GRIP1: variants seen among roughly 807,000 people sequenced by gnomAD.
GRIP1 encodes glutamate receptor-interacting protein 1.
A neutral mutation model predicts 129.9 loss-of-function variants in GRIP1; 45 were observed. That is an observed-to-expected ratio of 0.35 (90% CI 0.27 to 0.44). The LOEUF (loss-of-function observed/expected upper bound fraction) is 0.44, where lower values mean the gene tolerates loss of function less well. Among genes scored for constraint, GRIP1 ranks in the 20% least tolerant of loss-of-function variants. The pLI is 1.00. For missense variants in GRIP1, 1,196 were observed against 1,396.8 expected, an observed-to-expected ratio of 0.86 and a Z score of 2.29; for synonymous variants, 530 against 520.8, an observed-to-expected ratio of 1.02 and a Z score of -0.24.
At chr12:66,372,876 G>C (rs987122278) in intron 22 of GRIP1, among the ~76,000 whole-genome samples, 1 of 152,122 alleles carries the variant, frequency 6.6e-6, no homozygotes, top group African/African-American at 2.4e-5. Context: ...GGGTATAATA[G>C]TATAAAGGTA....
rs147117423 is a variant in GRIP1 at position 67,023,888 on chromosome 12, T to C, written c.58+45162A>G. ...CCAAAGCTAGTTCCCTCTTTTATAT[T>C]TTCTCTTCTTTTTCTTTGCTTTTCT... On this transcript the variant is annotated intron_variant, in intron 1 of 1. Coordinates refer to the GRIP1 transcript ENST00000643019. 1.1e-3 allele frequency among the ~76,000 whole-genome samples: 167 copies of C among 152,216 alleles called. 2 individuals are homozygous for C. Among genetic ancestry groups the C allele is most frequent in the Middle Eastern group, 6.8e-3 (2 of 294 alleles).
intron 1 of GRIP1, among the ~76,000 whole-genome samples, chr12:66,648,984 A>G (rs1422944890): frequency 6.6e-6 from 1 of 152,216 alleles, no homozygotes; most frequent in African/African-American, 2.4e-5. Context: ...TGTACGTGGG[A>G]AAGTGCAAAT....
chr12:66,948,735 G>A lies in GRIP1; in HGVS notation c.58+120315C>T, dbSNP rs191295386. On this transcript the variant is annotated intron_variant, in intron 1 of 1. Transcript: ENST00000643019. ...GAACTGGGTTCCAAAGGATACATAG[G>A]TAAATGGAAGAAGAGAAAGAAAAAG... 1.3e-3 allele frequency among the ~76,000 whole-genome samples: 201 copies of A among 152,298 alleles called. 1 individual carries two copies. The highest frequency in any genetic ancestry group is 2.5e-3 in the Non-Finnish European group (167 of 68,016).
At chr12:66,565,347 G>A (rs532276165) in intron 2 of GRIP1, among the ~76,000 whole-genome samples, 3 of 152,164 alleles carry the variant, frequency 2.0e-5, no homozygotes, top group African/African-American at 7.2e-5. Flanking sequence ...TATATGGCTA[G>A]CCAGTTCTCC....
rs542225905 is a variant in GRIP1, at chr12:66,833,018, C to A, written c.58+236032G>T. On this transcript the variant is annotated intron_variant, in intron 1 of 1. Transcript: ENST00000643019. ...GGTGGCTCTTTGGCTTACAGAGACT[C>A]AGTGATGGAACCTACCAACTTAGGG... 7.2e-5 allele frequency among the ~76,000 whole-genome samples: 11 copies of A among 152,240 alleles called. No homozygotes were observed. The South Asian group carries it at 2.3e-3, about 32-fold the overall frequency.
chr12:66,671,223 A>G (rs896676352), intron 1 of GRIP1, among the ~76,000 whole-genome samples: 3 of 152,168 alleles, frequency 2.0e-5, no homozygotes, highest in African/African-American at 7.2e-5. Context: ...ATTTACTAAG[A>G]AAGTCAAGTT....
At chr12:67,006,695 G>C (rs78174427) in intron 1 of GRIP1, among the ~76,000 whole-genome samples, 9,571 of 152,314 alleles carry the variant, frequency 0.063, 375 homozygotes, top group East Asian at 0.15. Flanking sequence ...AAGGACAGAA[G>C]GGAGCAGGCT....
chr12:66,526,309 T>C (rs1262082416), intron 5 of GRIP1, among the ~76,000 whole-genome samples: 1 of 152,088 alleles, frequency 6.6e-6, no homozygotes, highest in Admixed American at 6.6e-5. Context: ...CAAAACAGCA[T>C]GGTACTGGTA....
rs191001361 is a variant in GRIP1 at position 66,474,808 on chromosome 12, T to C, written c.725-9386A>G. Among the ~76,000 whole-genome samples the C allele has an allele frequency of 8.6e-3, 1,315 of 152,254 alleles. 15 individuals are homozygous for C. The highest frequency in any genetic ancestry group is 0.029 in the African/African-American group (1,191 of 41,550). On this transcript the variant is annotated intron_variant, in intron 7 of 24. Transcript: ENST00000359742. ...GACTTTGTCACCACCAGGCCTGCCC[T>C]ACAAGAGCTCCTGAAGGAATCACTA...
At chr12:66,931,517 T>C (rs1371793090) in intron 1 of GRIP1, among the ~76,000 whole-genome samples, 8 of 152,202 alleles carry the variant, frequency 5.3e-5, no homozygotes, top group Admixed American at 5.2e-4. Flanking sequence ...ATCGTAGTCA[T>C]CTAATAAATA....
chr12:66,564,915 G>T (rs1159974182), intron 2 of GRIP1, among the ~76,000 whole-genome samples: 1 of 152,216 alleles, frequency 6.6e-6, no homozygotes, highest in Non-Finnish European at 1.5e-5. Context: ...GTTGGCTACA[G>T]AAATGTCTTC....
At chr12:66,408,841 G>T (rs143426832) in intron 15 of GRIP1, among the ~76,000 whole-genome samples, 2 of 152,270 alleles carry the variant, frequency 1.3e-5, no homozygotes, top group Non-Finnish European at 2.9e-5. Flanking sequence ...TTCGCCACAA[G>T]CTGACTGAAG....
At chr12:67,052,850 T>C (rs557888405) in intron 1 of GRIP1, among the ~76,000 whole-genome samples, 1 of 152,222 alleles carries the variant, frequency 6.6e-6, no homozygotes, top group African/African-American at 2.4e-5. Context: ...ATTACTATGG[T>C]TATTTTACAA....
At chr12:66,579,461 G>A (rs1592588383) in intron 2 of GRIP1, among the ~76,000 whole-genome samples, 2 of 151,974 alleles carry the variant, frequency 1.3e-5, no homozygotes, top group Admixed American at 6.6e-5. Context: ...CAAACTACGA[G>A]CTACAGGAGG....
chr12:66,517,811 T>G, intron 6 of GRIP1, 90 bp downstream of exon 6: 1 of 755,904 alleles, frequency 1.3e-6, no homozygotes, highest in Non-Finnish European at 2.4e-6. Flanking sequence ...TACATTTTAC[T>G]GTAAAATTTC....
intron 1 of GRIP1, among the ~76,000 whole-genome samples, chr12:66,764,066 CA>C (rs2037553016): frequency 6.6e-6 from 1 of 152,098 alleles, no homozygotes; most frequent in Non-Finnish European, 1.5e-5. Context: ...ACAAGAGCAG[CA>C]AAAGTGATGT....
chr12:66,931,748 G>A (rs553051568), intron 1 of GRIP1, among the ~76,000 whole-genome samples: 3 of 152,246 alleles, frequency 2.0e-5, no homozygotes, highest in East Asian at 3.9e-4. Flanking sequence ...AAATACCAGA[G>A]AAGAAACATT....
At chr12:66,987,559 G>C (rs1043609961) in intron 1 of GRIP1, among the ~76,000 whole-genome samples, 70 of 152,142 alleles carry the variant, frequency 4.6e-4, no homozygotes, top group Non-Finnish European at 7.5e-4. Context: ...ACAGAGATAT[G>C]TCTGCCAGAG....
intron 7 of GRIP1, among the ~76,000 whole-genome samples, chr12:66,511,953 T>C (rs2060711744): frequency 1.3e-5 from 2 of 152,104 alleles, no homozygotes; most frequent in Admixed American, 1.3e-4. Flanking sequence ...GGTGATTGGA[T>C]CATGGGAGCA....
Sources: gnomAD v4.1 joint callset for allele counts (sites outside exome capture counted in the v4.1 genomes callset) on GRCh38, gnomAD v4.1.1 for gene constraint, MANE v1.5 for transcripts, NCBI Gene and HGNC (gene_info 2026-07-23, HGNC 2026-07-21) for gene names.